Variants in RASGEF1A observed in about 807,000 individuals in gnomAD.
RASGEF1A encodes ras-GEF domain-containing family member 1A.
Under a neutral mutation model 56.4 loss-of-function variants are expected in RASGEF1A, and 18 were observed. The ratio of observed to expected loss-of-function variants is 0.32; its 90% CI spans 0.22 to 0.47. RASGEF1A has a LOEUF of 0.47. RASGEF1A is among the 20% of genes least tolerant of loss of function. The pLI is 1.00. For synonymous variants in RASGEF1A, 245 were observed against 242.6 expected (o/e 1.01, Z -0.09); for missense variants, 422 against 627.1 (o/e 0.67, Z 3.49).
intron 1 of RASGEF1A, chr10:43,229,795 G>C (rs937398927): frequency 8.0e-7 from 1 of 1,242,414 alleles, no homozygotes; most frequent in South Asian, 2.3e-5. Context: ...TGGGACCCCG[G>C]AAGCAGGGAA....
intron 1 of RASGEF1A, among the ~76,000 whole-genome samples, chr10:43,230,094 TCGGGG>T (rs1239775735): frequency 2.0e-5 from 3 of 151,794 alleles, no homozygotes; most frequent in African/African-American, 7.2e-5. Context: ...GCAGCGTGGG[TCGGGG>T]CTCGGCGCGG....
intron 1 of RASGEF1A, chr10:43,207,169 G>A (rs1840007758): frequency 1.0e-6 from 1 of 985,494 alleles, no homozygotes; most frequent in Non-Finnish European, 1.2e-6. Context: ...TGCACACAGA[G>A]CCAGCCTCAA....
chr10:43,201,804 T>G lies in RASGEF1A; in HGVS notation c.459+4A>C, dbSNP rs574648213. The G allele has an allele frequency of 1.2e-5, 19 of 1,580,028 alleles. No individual in the cohort carries two copies. In the East Asian group the frequency reaches 3.2e-4, roughly 26 times the overall value. ...ACCCTGGCCAGAGCCCAGGGAGCAC[T>G]CACCTCATCACACTGGGTGACACGG... is the stretch of plus-strand genomic sequence containing the variant. On this transcript the variant is annotated splice_donor_region_variant and intron_variant, in intron 4 of 12. Transcript: ENST00000395810.
intron 9 of RASGEF1A, 53 bp downstream of exon 9, chr10:43,198,879 AT>A (rs1839844074): frequency 6.5e-7 from 1 of 1,528,916 alleles, no homozygotes; most frequent in Non-Finnish European, 9.0e-7. Flanking sequence ...CCTTCGGGCC[AT>A]TGCGGGACGA....
chr10:43,263,423 C>T (rs1485257657), intron 1 of RASGEF1A, among the ~76,000 whole-genome samples: 1 of 152,166 alleles, frequency 6.6e-6, no homozygotes, highest in Non-Finnish European at 1.5e-5. Context: ...AGGGTGCGGA[C>T]GGCTGAGCAA....
At chr10:43,203,542 C>A (rs1164211368) in intron 2 of RASGEF1A, 122 bp from the exon 3 acceptor site, 32 of 1,392,156 alleles carry the variant, frequency 2.3e-5, no homozygotes, top group Non-Finnish European at 2.8e-5. Context: ...CGAGGCCATG[C>A]CTTCACCTGC....
At position 43,242,259 on chromosome 10, in the gene RASGEF1A, G is replaced by A. The variant is rs138726570; in HGVS notation, c.-7+24586C>T. 3.1e-3 allele frequency among the ~76,000 whole-genome samples: 474 copies of A among 152,238 alleles called. 20 individuals are homozygous for A. In the East Asian group the frequency reaches 0.081, roughly 26 times the overall value. On this transcript the variant is annotated intron_variant, in intron 1 of 12. Transcript: ENST00000395810. ...GAAAATAGACTTTAGGACAAAAATT[G>A]TTACTAGAGACAAAGAAGGATATTT...
chr10:43,256,371 C>A (rs1183198501), intron 1 of RASGEF1A, among the ~76,000 whole-genome samples: 1 of 152,086 alleles, frequency 6.6e-6, no homozygotes, highest in Non-Finnish European at 1.5e-5. Flanking sequence ...ACCATGTGCT[C>A]AGAGATGGGA....
intron 1 of RASGEF1A, among the ~76,000 whole-genome samples, chr10:43,228,929 G>C (rs1448352158): frequency 6.6e-6 from 1 of 152,242 alleles, no homozygotes; most frequent in Non-Finnish European, 1.5e-5. Flanking sequence ...GGCCAGGGCT[G>C]GCCGGGGCTC....
intron 1 of RASGEF1A, among the ~76,000 whole-genome samples, chr10:43,251,920 AG>A (rs1840631541): frequency 6.6e-6 from 1 of 152,198 alleles, no homozygotes; most frequent in South Asian, 2.1e-4. Context: ...GCTGTGCCAC[AG>A]GGAGTCTCCC....
At chr10:43,203,551 G>A in intron 2 of RASGEF1A, 131 bp from the exon 3 acceptor site, 2 of 1,376,516 alleles carry the variant, frequency 1.5e-6, no homozygotes, top group South Asian at 3.1e-5. Context: ...GCCTTCACCT[G>A]CCCGGTTCCC....
At chr10:43,218,515 G>A (rs1840165571) in intron 1 of RASGEF1A, among the ~76,000 whole-genome samples, 1 of 152,248 alleles carries the variant, frequency 6.6e-6, no homozygotes, top group African/African-American at 2.4e-5. Flanking sequence ...CAGCAGCACA[G>A]TCCTTGGGAG....
intron 1 of RASGEF1A, among the ~76,000 whole-genome samples, chr10:43,236,254 C>T (rs1000211931): frequency 4.6e-5 from 7 of 152,198 alleles, no homozygotes; most frequent in Admixed American, 3.9e-4. Flanking sequence ...TCCCCAAGCA[C>T]CTCCCTGGAG....
rs1021685822 is a variant in RASGEF1A at position 43,195,539 on chromosome 10, A to G, written c.*705T>C. 2 of 152,508 alleles carry G rather than the reference A, an allele frequency of 1.3e-5. No homozygotes were observed. The highest frequency in any genetic ancestry group is 6.5e-5 in the Admixed American group (1 of 15,276). 9.4% of individuals were successfully genotyped at this position (152,508 alleles called of 1,614,324 possible). On this transcript the variant is annotated 3_prime_UTR_variant, in exon 13 of 13. Coordinates refer to ENST00000395810, the MANE Select transcript of RASGEF1A (RefSeq NM_145313.4). This position sits in a 1 kb window ranked among gnomAD's most constrained non-coding sequence, Gnocchi z 4.2. ...CTTATTTTAGATTTCCTCCTTTCTA[A>G]AATGTAGTTGAAGAATGATTTGCTG...
chr10:43,262,208 C>T (rs1166398685), intron 1 of RASGEF1A, among the ~76,000 whole-genome samples: 1 of 152,276 alleles, frequency 6.6e-6, no homozygotes, highest in East Asian at 1.9e-4. Context: ...ACCATCAGAA[C>T]GCGCCCCCTC....
rs1032418961 is a variant in RASGEF1A, at chr10:43,196,666, A to C, written c.1349-118T>G. The stretch of plus-strand genomic sequence containing the variant: ...GGACAGTGACCTCTGGCTGGGCTGA[A>C]CACAGTTCTCTGCTGTGCGGGGCTC... On this transcript the variant is annotated intron_variant, in intron 11 of 12. Coordinates refer to ENST00000395810, the MANE Select transcript of RASGEF1A (RefSeq NM_145313.4). The surrounding 1 kb of genome is among the most constrained non-coding windows in gnomAD (Gnocchi z 4.6). The C allele has an allele frequency of 1.1e-5, 11 of 1,000,082 alleles. No homozygotes were observed. The Admixed American group carries it at 1.1e-4, about 10-fold the overall frequency. The allele number at this position is 1,000,082 out of a possible 1,614,324, so 62.0% of individuals were successfully genotyped here.
intron 7 of RASGEF1A, 40 bp downstream of exon 7, chr10:43,199,636 G>T: frequency 3.3e-6 from 5 of 1,492,680 alleles, no homozygotes; most frequent in Non-Finnish European, 4.7e-6. Flanking sequence ...CTGGGTGTGG[G>T]CATGGCAGCC....
chr10:43,207,265 A>C (rs1327188004), intron 1 of RASGEF1A: 3 of 985,398 alleles, frequency 3.0e-6, no homozygotes, highest in Non-Finnish European at 3.6e-6. Flanking sequence ...TTTTGGCCTT[A>C]GTTTCCCCAC....
At chr10:43,266,146 G>A (rs1349044055) in intron 1 of RASGEF1A, among the ~76,000 whole-genome samples, 1 of 152,156 alleles carries the variant, frequency 6.6e-6, no homozygotes, top group Non-Finnish European at 1.5e-5. Flanking sequence ...ACCTGCCAGC[G>A]CGTCCCTCCA....
Sources: gnomAD v4.1 joint callset for allele counts (sites outside exome capture counted in the v4.1 genomes callset) on GRCh38, gnomAD v4.1.1 for gene constraint, Gnocchi (gnomAD v3.1) non-coding constraint, MANE v1.5 for transcripts, NCBI Gene and HGNC (gene_info 2026-07-23, HGNC 2026-07-21) for gene names.